The following LHFPL1 variants were observed in gnomAD, a reference collection of about 807,000 sequenced individuals.
The protein encoded by LHFPL1 is LHFPL tetraspan subfamily member 1 protein.
In LHFPL1, 4 loss-of-function variants were observed where a neutral mutation model predicts 12.1. The ratio of observed to expected loss-of-function variants is 0.33; its 90% CI spans 0.16 to 0.76. The LOEUF (loss-of-function observed/expected upper bound fraction) is 0.76, where lower values mean the gene tolerates loss of function less well. Among genes scored for constraint, LHFPL1 ranks in the 30% least tolerant of loss-of-function variants. The pLI is 0.61. For missense variants in LHFPL1, 141 were observed against 174.1 expected, an observed-to-expected ratio of 0.81 and a Z score of 1.07; for synonymous variants, 52 against 61.9, an observed-to-expected ratio of 0.84 and a Z score of 0.75.
At chrX:112,659,541 T>C (rs1931113931) in intron 3 of LHFPL1, among the ~76,000 whole-genome samples, 1 of 111,679 alleles carries the variant, frequency 9.0e-6, no homozygotes, top group Admixed American at 9.5e-5. Context: ...ATTATATGCA[T>C]TAAATGGGTA....
At chrX:112,663,911 G>A (rs1931259265) in intron 2 of LHFPL1, among the ~76,000 whole-genome samples, 1 of 111,804 alleles carries the variant, frequency 8.9e-6, no homozygotes, top group Non-Finnish European at 1.9e-5. Context: ...TAATTTCTCT[G>A]TGCCTCATTC....
At chrX:112,677,838 T>G (rs1163861137) in intron 1 of LHFPL1, among the ~76,000 whole-genome samples, 1 of 111,364 alleles carries the variant, frequency 9.0e-6, no homozygotes, top group Non-Finnish European at 1.9e-5. Context: ...TCTAAGAAGA[T>G]CTCTCTTTTG....
At chrX:112,636,972 G>A (rs1390065437) in intron 3 of LHFPL1, among the ~76,000 whole-genome samples, 2 of 111,703 alleles carry the variant, frequency 1.8e-5, no homozygotes, top group Admixed American at 9.5e-5. Flanking sequence ...TGTCTGTGAA[G>A]AGAAGGATCG....
chrX:112,644,919 C>G (rs958033345), intron 3 of LHFPL1, among the ~76,000 whole-genome samples: 12 of 112,369 alleles, frequency 1.1e-4, no homozygotes, highest in Non-Finnish European at 5.6e-5. Flanking sequence ...AACCCCAAGT[C>G]ACCATAAAAG....
intron 1 of LHFPL1, among the ~76,000 whole-genome samples, chrX:112,673,357 G>GAAA (rs1445516521): frequency 8.1e-5 from 9 of 111,524 alleles, no homozygotes; most frequent in Non-Finnish European, 1.7e-4. Flanking sequence ...GATGTGATGA[G>GAAA]GGATTGAAAG....
intron 3 of LHFPL1, among the ~76,000 whole-genome samples, chrX:112,657,255 C>G (rs1319439764): frequency 8.9e-6 from 1 of 112,089 alleles, no homozygotes; most frequent in Non-Finnish European, 1.9e-5. Context: ...ATGTTCTACA[C>G]TGAAAATGAC....
At chrX:112,648,115 G>C (rs1335990228) in intron 3 of LHFPL1, among the ~76,000 whole-genome samples, 1 of 99,819 alleles carries the variant, frequency 1.0e-5, no homozygotes, top group South Asian at 5.7e-4. Context: ...ATAAGTGCTA[G>C]TTGAACAATG....
chrX:112,657,090 G>A (rs1931027233), intron 3 of LHFPL1, among the ~76,000 whole-genome samples: 1 of 112,476 alleles, frequency 8.9e-6, no homozygotes, highest in South Asian at 3.7e-4. Flanking sequence ...TCAAACCATA[G>A]TATGTTGGGG....
At chrX:112,674,549 A>G (rs1480679802) in intron 1 of LHFPL1, among the ~76,000 whole-genome samples, 5 of 110,505 alleles carry the variant, frequency 4.5e-5, no homozygotes. Context: ...CATCTGACAA[A>G]GTACTAATAT....
In LHFPL1 at chrX:112,672,643, G is replaced by A. The variant is rs763600526; in HGVS notation, c.-14-1239C>T. 2.4e-3 allele frequency among the ~76,000 whole-genome samples: 272 copies of A among 111,321 alleles called. 1 individual carries two copies. Among genetic ancestry groups the A allele is most frequent in the African/African-American group, 8.6e-3 (263 of 30,601 alleles). ...GGTTGGGGGACCCAAAGCAGGGGAAGCGCAGGAACTGGCTGTATGGGGTCA... is the reference window on the plus strand; with the variant it reads ...GGTTGGGGGACCCAAAGCAGGGGAAACGCAGGAACTGGCTGTATGGGGTCA... On this transcript the variant is annotated intron_variant, in intron 1 of 3. Transcript: ENST00000371968.
intron 3 of LHFPL1, among the ~76,000 whole-genome samples, chrX:112,632,620 T>C (rs949796399): frequency 8.9e-6 from 1 of 112,001 alleles, no homozygotes; most frequent in South Asian, 3.8e-4. Context: ...AAGTTAATCC[T>C]GACTACAGTC....
At chrX:112,672,227 C>G (rs1160114556) in intron 1 of LHFPL1, among the ~76,000 whole-genome samples, 1 of 111,903 alleles carries the variant, frequency 8.9e-6, no homozygotes, top group Non-Finnish European at 1.9e-5. Context: ...CAAAAAGCTT[C>G]TCAAAGTTCT....
chrX:112,641,095 T>C (rs1440490225), intron 3 of LHFPL1, among the ~76,000 whole-genome samples: 3 of 111,285 alleles, frequency 2.7e-5, no homozygotes, highest in Non-Finnish European at 5.6e-5. Context: ...ATTAGCCCCA[T>C]ACCAGCAATG....
At chrX:112,649,555 C>T (rs1930791938) in intron 3 of LHFPL1, among the ~76,000 whole-genome samples, 1 of 111,849 alleles carries the variant, frequency 8.9e-6, no homozygotes, top group African/African-American at 3.2e-5. Flanking sequence ...GATTTATTCT[C>T]TCCTTTGACT....
chrX:112,678,477 C>T (rs1224594222), intron 1 of LHFPL1, among the ~76,000 whole-genome samples: 2 of 111,787 alleles, frequency 1.8e-5, no homozygotes, highest in Non-Finnish European at 3.8e-5. Flanking sequence ...ATTGTTAAGC[C>T]CTAAACCCCA....
chrX:112,678,338 A>G (rs1001032637), intron 1 of LHFPL1, among the ~76,000 whole-genome samples: 1 of 111,562 alleles, frequency 9.0e-6, no homozygotes, highest in Non-Finnish European at 1.9e-5. Flanking sequence ...CCAATGAGAG[A>G]TCTTCATCTC....
At chrX:112,671,507 T>C in intron 1 of LHFPL1, 103 bp from the exon 2 acceptor site, 2 of 1,179,491 alleles carry the variant, frequency 1.7e-6, no homozygotes, top group South Asian at 3.8e-5. Context: ...GTCCTGGGGC[T>C]CAATTATGTG....
At chrX:112,634,304 G>C (rs947612509) in intron 3 of LHFPL1, among the ~76,000 whole-genome samples, 8 of 109,799 alleles carry the variant, frequency 7.3e-5, no homozygotes, top group African/African-American at 2.6e-4. Flanking sequence ...GCCCTAAGGA[G>C]GGGGGGCTCC....
At chrX:112,662,836 A>C (rs967179060) in intron 2 of LHFPL1, among the ~76,000 whole-genome samples, 1 of 112,199 alleles carries the variant, frequency 8.9e-6, no homozygotes, top group African/African-American at 3.2e-5. Flanking sequence ...GGTTAAGGAC[A>C]AAAGTAGAAA....
Sources: allele counts gnomAD v4.1 joint callset (sites outside exome capture counted in the v4.1 genomes callset), GRCh38; gene constraint gnomAD v4.1.1; transcripts MANE v1.5; gene names NCBI Gene and HGNC (gene_info 2026-07-23, HGNC 2026-07-21).